MFAP5: variants seen among roughly 807,000 people sequenced by gnomAD.
MFAP5 encodes the protein microfibril associated protein 5.
Under a neutral mutation model 30.1 loss-of-function variants are expected in MFAP5, and 19 were observed. The observed-to-expected ratio is 0.63, with a 90% CI of 0.44 to 0.93. The LOEUF is 0.93. Ranked by LOEUF, MFAP5 falls within the 40% of genes least tolerant of loss-of-function variation. The pLI, the probability that MFAP5 is intolerant of heterozygous loss-of-function variation, is 0.00. For synonymous variants in MFAP5, 92 were observed against 72.9 expected, an observed-to-expected ratio of 1.26 and a Z score of -1.33; for missense variants, 210 against 221.3, an observed-to-expected ratio of 0.95 and a Z score of 0.32.
At chr12:8,649,779 G>GT (rs1485531833) in intron 8 of MFAP5, among the ~76,000 whole-genome samples, 1 of 152,144 alleles carries the variant, frequency 6.6e-6, no homozygotes, top group Non-Finnish European at 1.5e-5. Context: ...TTACTCTTCT[G>GT]TTTTTTAAAT....
chr12:8,659,844 C>G (rs1325314819), intron 3 of MFAP5, among the ~76,000 whole-genome samples: 1 of 152,090 alleles, frequency 6.6e-6, no homozygotes, highest in East Asian at 1.9e-4. Context: ...TTGTTTTGGT[C>G]TATCTTAATT....
Position 8,650,777 on chromosome 12 carries a change from G to C in MFAP5, c.248-188C>G, listed in dbSNP as rs146287052. On this transcript the variant is annotated intron_variant, in intron 7 of 9. Transcript: ENST00000359478. ...CACAGCAAGAGGGAATTGACTAAATGAAGTTTTGGCGCTTCCCTACTTGGA... is the reference window on the plus strand; with the variant it reads ...CACAGCAAGAGGGAATTGACTAAATCAAGTTTTGGCGCTTCCCTACTTGGA... 6.8e-3 allele frequency among the ~76,000 whole-genome samples: 1,040 copies of C among 152,304 alleles called. 2 individuals are homozygous for C. Among genetic ancestry groups the C allele is most frequent in the Non-Finnish European group, 0.011 (768 of 68,020 alleles).
chr12:8,649,932 T>G (rs916422844), intron 8 of MFAP5, among the ~76,000 whole-genome samples: 1 of 151,980 alleles, frequency 6.6e-6, no homozygotes, highest in Non-Finnish European at 1.5e-5. Context: ...CTCATTCCTC[T>G]CCCACTCTTT....
intron 3 of MFAP5, among the ~76,000 whole-genome samples, chr12:8,659,551 G>A (rs1405348364): frequency 6.6e-6 from 1 of 152,076 alleles, no homozygotes; most frequent in African/African-American, 2.4e-5. Context: ...CAGTTTTGCT[G>A]GTACTAAAAT....
At chr12:8,650,430 G>A in intron 8 of MFAP5, 72 bp downstream of exon 8, 2 of 1,457,278 alleles carry the variant, frequency 1.4e-6, no homozygotes, top group Non-Finnish European at 1.9e-6. Flanking sequence ...CATAGTGGGT[G>A]CTCATTAAAT....
intron 3 of MFAP5, 57 bp from the exon 4 acceptor site, chr12:8,655,887 C>T: frequency 6.7e-7 from 1 of 1,489,568 alleles, no homozygotes. Context: ...GCCACCCTTG[C>T]ACTTCCAGTA....
chr12:8,648,157 AC>A lies in MFAP5; in HGVS notation c.455del (p.Arg152LeufsTer25). 1 of 1,614,000 alleles carries A rather than the reference AC, an allele frequency of 6.2e-7. No individual in the cohort carries two copies. On this transcript the variant is annotated frameshift_variant, in exon 10 of 10. Coordinates refer to ENST00000359478, the MANE Select transcript of MFAP5 (RefSeq NM_003480.4). LOFTEE classifies it high-confidence loss of function. ...QMAGLPPRRL[R>X]RSNYFRLPPC... is the part of the protein sequence containing the mutation. The stretch of plus-strand genomic sequence containing the variant: ...GAGGAAGTCGGAAGTAATTGGAGCG[AC>A]GGAGTCTCCTAGGGGGCAGACCAGC...
chr12:8,654,528 A>C (rs1392079404), intron 5 of MFAP5, 47 bp from the exon 6 acceptor site: 1 of 1,544,494 alleles, frequency 6.5e-7, no homozygotes, highest in Non-Finnish European at 8.8e-7. Flanking sequence ...TCAAATTGCA[A>C]ACACAAGGCA....
In MFAP5 at chr12:8,647,153, C is replaced by T. The variant is rs557033163; in HGVS notation, c.*938G>A. On this transcript the variant is annotated 3_prime_UTR_variant, in exon 10 of 10. Coordinates refer to ENST00000359478, the MANE Select transcript of MFAP5 (RefSeq NM_003480.4). ...TTCAAGTCTGAATGCCCTTCTTAGG[C>T]CCCAATCAGGATATCCAAAAGCCAC... 4 of 152,278 alleles carry T rather than the reference C, an allele frequency of 2.6e-5. No individual in the cohort carries two copies. Among genetic ancestry groups the T allele is most frequent in the African/African-American group, 9.6e-5 (4 of 41,554 alleles). The allele number at this position is 152,278 out of a possible 1,614,324, so 9.4% of individuals were successfully genotyped here. A position where few individuals can be genotyped will look rare whatever the true frequency, so the allele number is the denominator to read the frequency against.
chr12:8,661,945 T>C, intron 2 of MFAP5, 102 bp downstream of exon 2: 1 of 1,116,782 alleles, frequency 9.0e-7, no homozygotes, highest in Non-Finnish European at 1.3e-6. Flanking sequence ...ACCAAGCATC[T>C]CTACTGCTAT....
intron 3 of MFAP5, among the ~76,000 whole-genome samples, chr12:8,658,364 G>A (rs1052676504): frequency 1.3e-5 from 2 of 152,012 alleles, no homozygotes; most frequent in Non-Finnish European, 2.9e-5. Flanking sequence ...AATTCATCAG[G>A]CTTGACAAAA....
At chr12:8,649,838 A>G (rs1307579857) in intron 8 of MFAP5, among the ~76,000 whole-genome samples, 1 of 152,114 alleles carries the variant, frequency 6.6e-6, no homozygotes, top group Non-Finnish European at 1.5e-5. Context: ...TTACATGGAT[A>G]AGTTCTTTAG....
At position 8,654,436 on chromosome 12, in the gene MFAP5, C is replaced by T. The variant is rs1193130977; in HGVS notation, c.217+1G>A. 1.3e-6 allele frequency: 2 copies of T among 1,599,744 alleles called. No homozygotes were observed. Among genetic ancestry groups the T allele is most frequent in the Non-Finnish European group, 1.7e-6 (2 of 1,173,144 alleles). ...CCTGGGGGTCCCAGATCTGAACTCACCCAAGTCATCTGTGGAAGGTGCAAT... is the reference window on the plus strand; with the variant it reads ...CCTGGGGGTCCCAGATCTGAACTCATCCAAGTCATCTGTGGAAGGTGCAAT... On this transcript the variant is annotated splice_donor_variant, in intron 6 of 9. Coordinates refer to ENST00000359478, the MANE Select transcript of MFAP5 (RefSeq NM_003480.4). LOFTEE classifies it high-confidence loss of function.
chr12:8,661,987 G>T, intron 2 of MFAP5, 60 bp downstream of exon 2: 1 of 1,496,626 alleles, frequency 6.7e-7, no homozygotes, highest in Non-Finnish European at 9.3e-7. Flanking sequence ...CCCATCTCCT[G>T]CCACACACGT....
At chr12:8,648,913 C>A (rs1180184289) in intron 9 of MFAP5, among the ~76,000 whole-genome samples, 1 of 152,210 alleles carries the variant, frequency 6.6e-6, no homozygotes, top group Non-Finnish European at 1.5e-5. Flanking sequence ...GGTCTACAAC[C>A]ACACATTTTG....
At chr12:8,648,388 T>C (rs1941741605) in intron 9 of MFAP5, 185 bp from the exon 10 acceptor site, 2 of 958,316 alleles carry the variant, frequency 2.1e-6, no homozygotes, top group East Asian at 6.0e-5. Flanking sequence ...TTCTTAAATT[T>C]TATAAACCTC....
At chr12:8,652,478 AAAG>A (rs1941863478) in intron 6 of MFAP5, among the ~76,000 whole-genome samples, 4 of 151,766 alleles carry the variant, frequency 2.6e-5, no homozygotes, top group Admixed American at 2.6e-4. Context: ...ATAAATAAAT[AAAG>A]AATAATGAGA....
chr12:8,659,239 T>C (rs1942082951), intron 3 of MFAP5, among the ~76,000 whole-genome samples: 1 of 150,720 alleles, frequency 6.6e-6, no homozygotes, highest in Admixed American at 6.6e-5. Flanking sequence ...ACTTGGGAGA[T>C]GGAGGTTGCA....
At chr12:8,654,755 G>A (rs1298020560) in intron 5 of MFAP5, among the ~76,000 whole-genome samples, 1 of 151,974 alleles carries the variant, frequency 6.6e-6, no homozygotes, top group African/African-American at 2.4e-5. Context: ...AGACCAGCCT[G>A]GCCAATATAG....
Sources: gnomAD v4.1 joint callset for allele counts (sites outside exome capture counted in the v4.1 genomes callset) on GRCh38, gnomAD v4.1.1 for gene constraint, MANE v1.5 for transcripts, NCBI Gene and HGNC (gene_info 2026-07-23, HGNC 2026-07-21) for gene names.